Variants in UPB1 observed in about 807,000 individuals in gnomAD.
UPB1 encodes beta-ureidopropionase 1.
A neutral mutation model predicts 49.1 loss-of-function variants in UPB1; 40 were observed. The observed-to-expected ratio is 0.81, with a 90% CI of 0.63 to 1.06. The LOEUF is 1.06. UPB1 is among the 50% of genes least tolerant of loss of function. The pLI, the probability that UPB1 is intolerant of heterozygous loss-of-function variation, is 0.00. For missense variants in UPB1, 499 were observed against 505.9 expected, an observed-to-expected ratio of 0.99 and a Z score of 0.13; for synonymous variants, 207 against 198.2, an observed-to-expected ratio of 1.04 and a Z score of -0.38.
intron 7 of UPB1, among the ~76,000 whole-genome samples, chr22:24,521,746 C>T (rs1407200062): frequency 6.6e-6 from 1 of 152,172 alleles, no homozygotes; most frequent in Admixed American, 6.5e-5. Flanking sequence ...CCCAAAGGCA[C>T]CATCCAGGTT....
At chr22:24,505,520 T>C (rs1293007329) in intron 3 of UPB1, among the ~76,000 whole-genome samples, 1 of 152,206 alleles carries the variant, frequency 6.6e-6, no homozygotes, top group Non-Finnish European at 1.5e-5. Context: ...AGGTTCAGCA[T>C]GCTGATGTTT....
Position 24,515,868 on chromosome 22 carries a change from C to T in UPB1, c.791+498C>T, listed in dbSNP as rs191972650. ...GTGTGTGCCTGTAGTCCCAGCTACT[C>T]GGGAGGCTGAGGCAGGAGAATCACT... On this transcript the variant is annotated intron_variant, in intron 6 of 9. Coordinates refer to ENST00000326010, the MANE Select transcript of UPB1 (RefSeq NM_016327.3). 1.3e-3 allele frequency among the ~76,000 whole-genome samples: 200 copies of T among 152,204 alleles called. 2 individuals are homozygous for T. The highest frequency in any genetic ancestry group is 5.2e-3 in the Admixed American group (80 of 15,300).
chr22:24,515,130 T>A, intron 5 of UPB1, 71 bp from the exon 6 acceptor site: 1 of 1,592,868 alleles, frequency 6.3e-7, no homozygotes, highest in South Asian at 1.1e-5. Context: ...TGGTGATATT[T>A]CAGTTTTTCT....
At chr22:24,496,384 C>T (rs866478773) in intron 1 of UPB1, among the ~76,000 whole-genome samples, 1 of 136,650 alleles carries the variant, frequency 7.3e-6, no homozygotes, top group Middle Eastern at 3.6e-3. Flanking sequence ...CACACACACA[C>T]ACACACACAC....
At chr22:24,501,885 C>T (rs1364105437) in intron 2 of UPB1, among the ~76,000 whole-genome samples, 1 of 152,164 alleles carries the variant, frequency 6.6e-6, no homozygotes, top group Non-Finnish European at 1.5e-5. Context: ...AGGTGGCAGC[C>T]TCCCCATTAC....
chr22:24,512,845 T>C (rs1031122081), intron 4 of UPB1, among the ~76,000 whole-genome samples: 21 of 152,346 alleles, frequency 1.4e-4, no homozygotes, highest in African/African-American at 4.6e-4. Context: ...GGTTCATCCA[T>C]GTGTAGCGTA....
intron 1 of UPB1, 81 bp downstream of exon 1, chr22:24,495,588 G>C: frequency 1.4e-6 from 2 of 1,477,078 alleles, no homozygotes; most frequent in Non-Finnish European, 1.9e-6. Context: ...GAGGGCCTCA[G>C]GGTCTGAAGG....
chr22:24,503,074 G>A (rs1203099872), intron 3 of UPB1: 1 of 152,520 alleles, frequency 6.6e-6, no homozygotes, highest in Non-Finnish European at 1.5e-5. Flanking sequence ...AGTTTGTAGA[G>A]ATGGAGATCT....
At position 24,525,705 on chromosome 22, in the gene UPB1, T is replaced by C. The variant is rs1355110036; in HGVS notation, c.1072-6T>C. On this transcript the variant is annotated splice_polypyrimidine_tract_variant and splice_region_variant and intron_variant, in intron 9 of 9. Coordinates refer to ENST00000326010, the MANE Select transcript of UPB1 (RefSeq NM_016327.3). ...CCTCTAAAGTACATCTGTGTTTTGCTTTCAGATGACGGGCAGGTATGAGAT... is the reference window on the plus strand; with the variant it reads ...CCTCTAAAGTACATCTGTGTTTTGCCTTCAGATGACGGGCAGGTATGAGAT... 1 of 1,614,102 alleles carries C rather than the reference T, an allele frequency of 6.2e-7. No homozygotes were observed. Among genetic ancestry groups the C allele is most frequent in the African/African-American group, 1.3e-5 (1 of 74,946 alleles).
At chr22:24,516,741 T>C (rs1002617160) in intron 6 of UPB1, 1 of 152,212 alleles carries the variant, frequency 6.6e-6, no homozygotes, top group African/African-American at 2.4e-5. Flanking sequence ...TTTTTTTTCT[T>C]TGAGACGGAG....
At chr22:24,504,485 C>G (rs2044049357) in intron 3 of UPB1, among the ~76,000 whole-genome samples, 1 of 152,158 alleles carries the variant, frequency 6.6e-6, no homozygotes, top group Non-Finnish European at 1.5e-5. Context: ...AGGAGTTTCT[C>G]TTTTTCACCA....
At chr22:24,505,127 C>G (rs1188714302) in intron 3 of UPB1, among the ~76,000 whole-genome samples, 3 of 152,128 alleles carry the variant, frequency 2.0e-5, no homozygotes, top group African/African-American at 4.8e-5. Context: ...TTTCTGCTGT[C>G]AAATTTTGAA....
intron 3 of UPB1, among the ~76,000 whole-genome samples, chr22:24,507,910 A>T (rs1247502579): frequency 1.3e-5 from 2 of 151,976 alleles, no homozygotes; most frequent in Non-Finnish European, 2.9e-5. Flanking sequence ...GGTCAAACCA[A>T]TCCCCTGGGC....
chr22:24,512,556 T>C (rs2044224551), intron 4 of UPB1, among the ~76,000 whole-genome samples: 1 of 152,172 alleles, frequency 6.6e-6, no homozygotes, highest in Non-Finnish European at 1.5e-5. Context: ...AAAATATACA[T>C]ATAAAATGTA....
intron 7 of UPB1, among the ~76,000 whole-genome samples, chr22:24,521,362 A>G (rs2044389152): frequency 6.6e-6 from 1 of 151,854 alleles, no homozygotes; most frequent in Admixed American, 6.6e-5. Context: ...AGGCGCCTGT[A>G]ATCCCAGCTA....
chr22:24,506,730 C>T (rs1391887226), intron 3 of UPB1, among the ~76,000 whole-genome samples: 1 of 152,206 alleles, frequency 6.6e-6, no homozygotes, highest in Non-Finnish European at 1.5e-5. Flanking sequence ...CCCAACTCTC[C>T]ACCCACCCCT....
intron 3 of UPB1, among the ~76,000 whole-genome samples, chr22:24,506,638 G>T (rs738814): frequency 6.6e-6 from 1 of 151,936 alleles, no homozygotes. Context: ...AGTTCATGTC[G>T]TTTTCCTATT....
chr22:24,525,729 A>AT lies in UPB1; in HGVS notation c.1091dup (p.Met364IlefsTer76). ...CTTTCAGATGACGGGCAGGTATGAG[A>AT]TGTACGCACGGGAGCTCGCCGAAGC... is the stretch of plus-strand genomic sequence containing the variant. On this transcript the variant is annotated frameshift_variant, in exon 10 of 10. Coordinates refer to ENST00000326010, the MANE Select transcript of UPB1 (RefSeq NM_016327.3). LOFTEE classifies it high-confidence loss of function. The AT allele has an allele frequency of 6.2e-7, 1 of 1,614,188 alleles. No homozygotes were observed. Among genetic ancestry groups the AT allele is most frequent in the African/African-American group, 1.3e-5 (1 of 75,050 alleles).
chr22:24,515,391 T>C (rs2044277638), intron 6 of UPB1, 21 bp downstream of exon 6: 1 of 1,613,952 alleles, frequency 6.2e-7, no homozygotes, highest in East Asian at 2.2e-5. Flanking sequence ...TGGTGGGGTC[T>C]GGGGGGCTTC....
Sources: allele counts gnomAD v4.1 joint callset (sites outside exome capture counted in the v4.1 genomes callset), GRCh38; gene constraint gnomAD v4.1.1; transcripts MANE v1.5; gene names NCBI Gene and HGNC (gene_info 2026-07-23, HGNC 2026-07-21).